The following SUPT3H variants were observed in gnomAD, a reference collection of about 807,000 sequenced individuals.
SUPT3H encodes the protein transcription initiation protein SPT3 homolog.
In SUPT3H, 44 loss-of-function variants were observed where a neutral mutation model predicts 44.3. That is an observed-to-expected ratio of 0.99 (90% CI 0.78 to 1.28). SUPT3H has a LOEUF of 1.28. Among genes scored for constraint, SUPT3H ranks in the 50% most tolerant of loss-of-function variants. The probability of loss-of-function intolerance (pLI) is 0.00; values close to 1 mark genes in which losing one functional copy is unlikely to be tolerated. For missense variants in SUPT3H, 380 were observed against 387.1 expected, an observed-to-expected ratio of 0.98 and a Z score of 0.15; for synonymous variants, 124 against 125.6, an observed-to-expected ratio of 0.99 and a Z score of 0.09.
intron 6 of SUPT3H, among the ~76,000 whole-genome samples, chr6:44,998,972 G>T (rs1781643524): frequency 6.6e-6 from 1 of 151,948 alleles, no homozygotes; most frequent in Non-Finnish European, 1.5e-5. Context: ...TATCTAAACA[G>T]TCTGTGACAG....
chr6:45,328,470 C>G (rs1341406248), intron 2 of SUPT3H: 1 of 1,482,666 alleles, frequency 6.7e-7, no homozygotes, highest in African/African-American at 1.4e-5. Context: ...AGTGAGTGCT[C>G]TCTAACCACA....
intron 3 of SUPT3H, 146 bp from the exon 4 acceptor site, chr6:45,020,778 A>T (rs1044609315): frequency 7.5e-5 from 38 of 508,726 alleles, no homozygotes; most frequent in South Asian, 4.2e-5. Context: ...TTTAAGAGTA[A>T]AATGTCTTAT....
intron 7 of SUPT3H, among the ~76,000 whole-genome samples, chr6:44,955,924 T>A (rs1010393979): frequency 6.6e-6 from 1 of 151,010 alleles, no homozygotes; most frequent in African/African-American, 2.4e-5. Context: ...ATCGAGACCA[T>A]CCTGGCTAAT....
chr6:45,272,277 C>A (rs1776311817), intron 2 of SUPT3H, among the ~76,000 whole-genome samples: 1 of 152,130 alleles, frequency 6.6e-6, no homozygotes, highest in Non-Finnish European at 1.5e-5. Context: ...TGTCCCCACC[C>A]AAACCTCATC....
Position 45,296,738 on chromosome 6 carries a change from C to CAAAAAAAA in SUPT3H, c.101+68455_101+68462dup, listed in dbSNP as rs60921436. ...TGGCCAACAGAGTAAGACTCTGTCTCAAAAAAAAAAAAAAAAAAAAAAAAA... is the reference window on the plus strand; with the variant it reads ...TGGCCAACAGAGTAAGACTCTGTCTCAAAAAAAAAAAAAAAAAAAAAAAAAAAAAAAAA... On this transcript the variant is annotated intron_variant, in intron 2 of 10. Coordinates refer to ENST00000371459, the MANE Select transcript of SUPT3H (RefSeq NM_003599.4). Among the ~76,000 whole-genome samples, 28 of 29,700 alleles carry CAAAAAAAA rather than the reference C, an allele frequency of 9.4e-4. 3 individuals are homozygous for CAAAAAAAA. Among genetic ancestry groups the CAAAAAAAA allele is most frequent in the Non-Finnish European group, 1.9e-3 (28 of 14,832 alleles). 19.5% of individuals were successfully genotyped at this position (29,700 alleles called of 152,430 possible). A position where few individuals can be genotyped will look rare whatever the true frequency, so the allele number is the denominator to read the frequency against.
chr6:45,247,870 A>G (rs1158221889), intron 2 of SUPT3H, among the ~76,000 whole-genome samples: 2 of 152,214 alleles, frequency 1.3e-5, no homozygotes. Context: ...GAGAAATGTT[A>G]GACTCAAAAA....
At chr6:45,213,292 C>T (rs922483703) in intron 2 of SUPT3H, among the ~76,000 whole-genome samples, 11 of 152,134 alleles carry the variant, frequency 7.2e-5, no homozygotes, top group African/African-American at 2.7e-4. Flanking sequence ...CTGAATAAAA[C>T]ATATAACAAA....
chr6:45,064,513 G>T (rs1369662922), intron 3 of SUPT3H, among the ~76,000 whole-genome samples: 5 of 134,658 alleles, frequency 3.7e-5, no homozygotes, highest in Non-Finnish European at 6.3e-5. Flanking sequence ...ACACAGACTG[G>T]CAAATTGGAT....
At chr6:44,980,177 T>G (rs778817148) in intron 6 of SUPT3H, among the ~76,000 whole-genome samples, 5 of 151,484 alleles carry the variant, frequency 3.3e-5, no homozygotes, top group Non-Finnish European at 5.9e-5. Context: ...TCTTGGCTTC[T>G]AAAGCTCCAG....
chr6:45,208,980 A>T (rs1043198573), intron 2 of SUPT3H, among the ~76,000 whole-genome samples: 3 of 152,166 alleles, frequency 2.0e-5, no homozygotes, highest in Non-Finnish European at 2.9e-5. Context: ...TAAGAATTAT[A>T]CTAAATGTAC....
intron 9 of SUPT3H, among the ~76,000 whole-genome samples, chr6:44,935,359 G>T (rs768336649): frequency 6.6e-6 from 1 of 152,076 alleles, no homozygotes; most frequent in Non-Finnish European, 1.5e-5. Context: ...GTACATATTT[G>T]TTATTAATAA....
rs67557043 is a variant in SUPT3H, at chr6:45,048,221, CTTTTTTTTTTTTTTT to C, written c.187-27604_187-27590del. On this transcript the variant is annotated intron_variant, in intron 3 of 10. Transcript: ENST00000371459. ...TCATTTTGTAAGTTGTCTCTCTACT[CTTTTTTTTTTTTTTT>C]TTTTTTTTTTGGCAGAGGCTTTTTA... is the stretch of plus-strand genomic sequence containing the variant. Among the ~76,000 whole-genome samples, 297 of 88,280 alleles carry C rather than the reference CTTTTTTTTTTTTTTT, an allele frequency of 3.4e-3. 4 individuals are homozygous for C. The highest frequency in any genetic ancestry group is 0.016 in the African/African-American group (252 of 16,194). The allele number at this position is 88,280 out of a possible 152,430, so 57.9% of individuals were successfully genotyped here. A position where few individuals can be genotyped will look rare whatever the true frequency, so the allele number is the denominator to read the frequency against.
At chr6:45,061,149 A>AT (rs1791944531) in intron 3 of SUPT3H, among the ~76,000 whole-genome samples, 1 of 152,222 alleles carries the variant, frequency 6.6e-6, no homozygotes, top group Admixed American at 6.5e-5. Context: ...ATGCATGTTT[A>AT]TGTTCACTGC....
At chr6:45,277,787 A>G (rs1242121174) in intron 2 of SUPT3H, among the ~76,000 whole-genome samples, 2 of 152,200 alleles carry the variant, frequency 1.3e-5, no homozygotes, top group Non-Finnish European at 2.9e-5. Flanking sequence ...ACAACTAGCT[A>G]ATTAACTAGC....
Position 45,129,421 on chromosome 6 carries a change from AAATT to A in SUPT3H, c.102-23419_102-23416del, listed in dbSNP as rs1803058569. ...ATCTGGAATCAAGTCCTCGCACAAC[AAATT>A]TCTAGTTATGTGGTCTCACACTTCA... is the stretch of plus-strand genomic sequence containing the variant. On this transcript the variant is annotated intron_variant, in intron 2 of 10. Coordinates refer to ENST00000371459, the MANE Select transcript of SUPT3H (RefSeq NM_003599.4). 2.6e-5 allele frequency among the ~76,000 whole-genome samples: 4 copies of A among 152,310 alleles called. 1 individual carries two copies. The South Asian group carries it at 8.3e-4, about 32-fold the overall frequency.
chr6:45,182,211 T>A (rs1368445142), intron 2 of SUPT3H, among the ~76,000 whole-genome samples: 1 of 152,206 alleles, frequency 6.6e-6, no homozygotes, highest in Non-Finnish European at 1.5e-5. Context: ...TACTGTCCCA[T>A]AGAGCTTATA....
At chr6:45,260,127 A>T (rs918242948) in intron 2 of SUPT3H, among the ~76,000 whole-genome samples, 13 of 152,194 alleles carry the variant, frequency 8.5e-5, no homozygotes, top group Non-Finnish European at 1.9e-4. Context: ...AAATAAACTT[A>T]TGTTACATGG....
chr6:45,179,153 C>A (rs544987186), intron 2 of SUPT3H, among the ~76,000 whole-genome samples: 1 of 152,156 alleles, frequency 6.6e-6, no homozygotes, highest in Non-Finnish European at 1.5e-5. Flanking sequence ...TTCCTCGACA[C>A]GTACACTCTC....
chr6:45,175,712 T>TA (rs11377496), intron 2 of SUPT3H, among the ~76,000 whole-genome samples: 87,944 of 151,262 alleles, frequency 0.58, 26,248 homozygotes, highest in African/African-American at 0.73. Context: ...CAAGTGATAT[T>TA]AAAAAAAAAT....
Sources: gnomAD v4.1 joint callset for allele counts (sites outside exome capture counted in the v4.1 genomes callset) on GRCh38, gnomAD v4.1.1 for gene constraint, MANE v1.5 for transcripts, NCBI Gene and HGNC (gene_info 2026-07-23, HGNC 2026-07-21) for gene names.